The following PCDHGB2 variants were observed in gnomAD, a reference collection of about 807,000 sequenced individuals.
PCDHGB2 encodes protocadherin gamma-B2.
A neutral mutation model predicts 59.3 loss-of-function variants in PCDHGB2; 55 were observed. The observed-to-expected ratio is 0.93, with a 90% CI of 0.75 to 1.16. PCDHGB2 has a LOEUF of 1.16. PCDHGB2 is among the 50% of genes most tolerant of loss of function. PCDHGB2 has a pLI of 0.00. For missense variants in PCDHGB2, 1,228 were observed against 1,198.5 expected (o/e 1.02, Z -0.36); for synonymous variants, 516 against 512.0 (o/e 1.01, Z -0.11).
At chr5:141,373,374 A>C (rs548052832) in intron 1 of PCDHGB2, among the ~76,000 whole-genome samples, 1 of 152,352 alleles carries the variant, frequency 6.6e-6, no homozygotes, top group African/African-American at 2.4e-5. Flanking sequence ...GAATTGGTTC[A>C]AAATGTGTTT....
In PCDHGB2 at chr5:141,360,843, C is replaced by T. The variant is rs910664589; in HGVS notation, c.708C>T (p.Asn236=). 8 of 1,613,836 alleles carry T rather than the reference C, an allele frequency of 5.0e-6. No individual in the cohort carries two copies. The Admixed American group carries it at 5.0e-5, about 10-fold the overall frequency. ...TQIRIKVTDA[N]DNPPVFSQDV... Reference sequence around the variant, plus strand: ...TCCGAATCAAAGTCACGGATGCCAACGATAACCCTCCAGTGTTCAGCCAGG... The same window carrying T: ...TCCGAATCAAAGTCACGGATGCCAATGATAACCCTCCAGTGTTCAGCCAGG... The change falls in exon 1 of 4, where the codon AAC becomes AAT. Residue 236 remains asparagine, a synonymous_variant. Coordinates refer to ENST00000522605, the MANE Select transcript of PCDHGB2 (RefSeq NM_018923.3).
chr5:141,485,888 G>T lies in PCDHGB2; in HGVS notation c.2422-8919G>T, dbSNP rs1166795987. 3 of 1,614,028 alleles carry T rather than the reference G, an allele frequency of 1.9e-6. No homozygotes were observed. The highest frequency in any genetic ancestry group is 2.5e-6 in the Non-Finnish European group (3 of 1,180,032). ...ATCCGTGCTGGACGTAAACGACAAC[G>T]CCCCAGCCTTCCAGCAATCCAGCTA... On this transcript the variant is annotated intron_variant, in intron 1 of 3. Coordinates refer to ENST00000522605, the MANE Select transcript of PCDHGB2 (RefSeq NM_018923.3). The surrounding 1 kb of genome is among the most constrained non-coding windows in gnomAD (Gnocchi z 5.7).
In PCDHGB2 at chr5:141,491,511, C is replaced by G. The variant is rs777448782; in HGVS notation, c.2422-3296C>G. 6.2e-7 allele frequency: 1 copy of G among 1,614,080 alleles called. No individual in the cohort carries two copies. The highest frequency in any genetic ancestry group is 8.5e-7 in the Non-Finnish European group (1 of 1,180,018). ...TGCAGGTGAGCTCGGACGGCACGCT[C>G]AAGTACATGGAGGTGACGCTGCGGC... On this transcript the variant is annotated intron_variant, in intron 1 of 3. Transcript: ENST00000522605. This position sits in a 1 kb window ranked among gnomAD's most constrained non-coding sequence, Gnocchi z 6.9.
intron 1 of PCDHGB2, among the ~76,000 whole-genome samples, chr5:141,460,093 A>T (rs2098981983): frequency 6.6e-6 from 1 of 151,964 alleles, no homozygotes. Flanking sequence ...TAATAATTAT[A>T]CATGTAATTA....
chr5:141,375,054 G>C, intron 1 of PCDHGB2: 6 of 1,614,004 alleles, frequency 3.7e-6, no homozygotes, highest in South Asian at 1.1e-5. Context: ...GCCCGGGATG[G>C]GCCAGGTCTT....
intron 1 of PCDHGB2, among the ~76,000 whole-genome samples, chr5:141,435,840 T>G (rs1408413470): frequency 6.6e-6 from 1 of 152,118 alleles, no homozygotes; most frequent in Non-Finnish European, 1.5e-5. Context: ...CCTATCTACT[T>G]TGAAAGATAC....
At chr5:141,366,199 G>C (rs1764397175) in intron 1 of PCDHGB2, 1 of 1,613,876 alleles carries the variant, frequency 6.2e-7, no homozygotes, top group Non-Finnish European at 8.5e-7. Flanking sequence ...GGCTGCACAC[G>C]GGCGAGGTGC....
At chr5:141,393,168 G>T (rs1486915956) in intron 1 of PCDHGB2, 1 of 1,613,100 alleles carries the variant, frequency 6.2e-7, no homozygotes, top group Non-Finnish European at 8.5e-7. Context: ...ACTCTTTGGG[G>T]TAGAAATAGA....
intron 1 of PCDHGB2, chr5:141,427,780 TGTCGTCCTAC>T (rs892399327): frequency 8.9e-6 from 13 of 1,455,886 alleles, no homozygotes; most frequent in Middle Eastern, 1.7e-4. Context: ...CTGCGGGCAC[TGTCGTCCTAC>T]GTGTCCGTGA....
intron 1 of PCDHGB2, among the ~76,000 whole-genome samples, chr5:141,445,441 C>T (rs1201825256): frequency 6.6e-6 from 1 of 152,152 alleles, no homozygotes; most frequent in Admixed American, 6.6e-5. Context: ...GACCTATGGA[C>T]TAAGGATGCA....
At chr5:141,498,321 G>A (rs1477684617) in intron 2 of PCDHGB2, among the ~76,000 whole-genome samples, 2 of 151,722 alleles carry the variant, frequency 1.3e-5, no homozygotes, top group Non-Finnish European at 2.9e-5. Flanking sequence ...CTACACAGAA[G>A]GAAGAGCATT....
At chr5:141,399,123 T>C (rs1221457638) in intron 1 of PCDHGB2, 12 of 1,613,828 alleles carry the variant, frequency 7.4e-6, no homozygotes, top group East Asian at 2.2e-5. Context: ...TTGAAATTAA[T>C]ATTCAAGATG....
intron 1 of PCDHGB2, chr5:141,413,731 G>A (rs1008251304): frequency 6.2e-7 from 1 of 1,613,454 alleles, no homozygotes; most frequent in South Asian, 1.1e-5. Context: ...CTCCCTAAGA[G>A]TTCAGAGCCG....
chr5:141,489,375 G>T lies in PCDHGB2; in HGVS notation c.2422-5432G>T. 6.2e-7 allele frequency: 1 copy of T among 1,613,826 alleles called. No homozygotes were observed. Among genetic ancestry groups the T allele is most frequent in the Non-Finnish European group, 8.5e-7 (1 of 1,179,724 alleles). On this transcript the variant is annotated intron_variant, in intron 1 of 3. Transcript: ENST00000522605. This position sits in a 1 kb window ranked among gnomAD's most constrained non-coding sequence, Gnocchi z 4.5. ...AGGAGTCTGAGCCGGGGACGCTGGT[G>T]GGGAATGTTGCTCAGGATCTGGGCT...
intron 2 of PCDHGB2, among the ~76,000 whole-genome samples, chr5:141,496,748 C>T (rs1382244657): frequency 6.6e-6 from 1 of 152,130 alleles, no homozygotes; most frequent in African/African-American, 2.4e-5. Flanking sequence ...ATTTATTCAA[C>T]AAATATTTAT....
chr5:141,454,657 CG>C (rs1313292109), intron 1 of PCDHGB2, among the ~76,000 whole-genome samples: 1 of 152,074 alleles, frequency 6.6e-6, no homozygotes, highest in Admixed American at 6.6e-5. Flanking sequence ...CTGCCCACCT[CG>C]GCCTCCCAAA....
At chr5:141,368,272 C>A (rs1227481804) in intron 1 of PCDHGB2, among the ~76,000 whole-genome samples, 1 of 152,064 alleles carries the variant, frequency 6.6e-6, no homozygotes, top group African/African-American at 2.4e-5. Flanking sequence ...ATTAAAGAAC[C>A]TAAGACCACT....
intron 1 of PCDHGB2, chr5:141,426,943 C>T: frequency 2.2e-6 from 1 of 456,736 alleles, no homozygotes; most frequent in Non-Finnish European, 4.4e-6. Flanking sequence ...GACCCAGTCC[C>T]AACTGGCACT....
chr5:141,378,991 T>C (rs530834817), intron 1 of PCDHGB2: 34 of 152,352 alleles, frequency 2.2e-4, no homozygotes, highest in African/African-American at 7.7e-4. Flanking sequence ...AACTACATTA[T>C]AGTCAAGATT....
Sources: allele counts gnomAD v4.1 joint callset (sites outside exome capture counted in the v4.1 genomes callset), GRCh38; gene constraint gnomAD v4.1.1; non-coding constraint Gnocchi (gnomAD v3.1); transcripts MANE v1.5; gene names NCBI Gene and HGNC (gene_info 2026-07-23, HGNC 2026-07-21).